The following TMEM71 variants were observed in gnomAD, a reference collection of about 807,000 sequenced individuals.
The protein encoded by TMEM71 is transmembrane protein 71.
A neutral mutation model predicts 38.0 loss-of-function variants in TMEM71; 44 were observed. The ratio of observed to expected loss-of-function variants is 1.16; its 90% CI spans 0.91 to 1.49. The LOEUF (loss-of-function observed/expected upper bound fraction) is 1.49, where lower values mean the gene tolerates loss of function less well. Among genes scored for constraint, TMEM71 ranks in the 40% most tolerant of loss-of-function variants. The probability of loss-of-function intolerance (pLI) is 0.00; values close to 1 mark genes in which losing one functional copy is unlikely to be tolerated. For synonymous variants in TMEM71, 133 were observed against 122.5 expected, an observed-to-expected ratio of 1.09 and a Z score of -0.56; for missense variants, 367 against 348.6, an observed-to-expected ratio of 1.05 and a Z score of -0.42.
At chr8:132,729,774 A>C (rs1827349219) in intron 5 of TMEM71, among the ~76,000 whole-genome samples, 1 of 152,172 alleles carries the variant, frequency 6.6e-6, no homozygotes, top group Admixed American at 6.5e-5. Flanking sequence ...AGAGAGGCAG[A>C]AAATTAAAAC....
chr8:132,726,478 T>C (rs1032918610), intron 6 of TMEM71, among the ~76,000 whole-genome samples: 1 of 152,218 alleles, frequency 6.6e-6, no homozygotes, highest in African/African-American at 2.4e-5. Flanking sequence ...AGACATGACA[T>C]AGTATGCTAA....
the TMEM71 span, among the ~76,000 whole-genome samples, chr8:132,773,200 C>A: frequency 6.6e-6 from 1 of 152,120 alleles, no homozygotes; most frequent in Non-Finnish European, 1.5e-5. Context: ...TGGTCCCTTC[C>A]CACTAAATAG....
upstream of TMEM71, chr8:132,760,754 A>T (rs1829276436): frequency 1.3e-5 from 2 of 152,254 alleles, no homozygotes; most frequent in African/African-American, 4.8e-5. Context: ...CTGGGCCAGC[A>T]GCAGGGAATG....
intron 5 of TMEM71, among the ~76,000 whole-genome samples, chr8:132,741,928 T>A (rs1300191464): frequency 6.6e-6 from 1 of 152,222 alleles, no homozygotes; most frequent in African/African-American, 2.4e-5. Context: ...TCCTTGACAC[T>A]TTTTGCTACC....
chr8:132,757,952 A>G (rs1352543214), intron 2 of TMEM71: 2 of 152,174 alleles, frequency 1.3e-5, no homozygotes, highest in East Asian at 3.8e-4. Flanking sequence ...ACCCAAATCA[A>G]TTACCCAATG....
chr8:132,744,400 T>C (rs928254931), intron 5 of TMEM71, among the ~76,000 whole-genome samples: 3 of 152,096 alleles, frequency 2.0e-5, no homozygotes, highest in Admixed American at 6.5e-5. Context: ...ACATTCAAGC[T>C]GAGAGCCAAG....
chr8:132,753,313 T>C (rs1828827027), intron 3 of TMEM71, among the ~76,000 whole-genome samples: 1 of 150,912 alleles, frequency 6.6e-6, no homozygotes, highest in Non-Finnish European at 1.5e-5. Context: ...ATTCTTGGGG[T>C]GGTTTTTTGT....
intron 7 of TMEM71, among the ~76,000 whole-genome samples, chr8:132,715,305 A>T (rs1826454022): frequency 6.7e-6 from 1 of 148,794 alleles, no homozygotes; most frequent in Non-Finnish European, 1.5e-5. Flanking sequence ...AGCTACTTGG[A>T]AGGCTGAGGC....
At chr8:132,744,788 G>C (rs750895598) in intron 5 of TMEM71, among the ~76,000 whole-genome samples, 1 of 152,112 alleles carries the variant, frequency 6.6e-6, no homozygotes, top group African/African-American at 2.4e-5. Context: ...TATACCATAA[G>C]GCAATAGTAA....
chr8:132,721,053 AT>A (rs1293806198), intron 7 of TMEM71, among the ~76,000 whole-genome samples: 2 of 152,170 alleles, frequency 1.3e-5, no homozygotes, highest in Non-Finnish European at 2.9e-5. Flanking sequence ...TTTATAAAGG[AT>A]TTTCAGGGAA....
rs1163871664 is a variant in TMEM71, at chr8:132,751,847, T to C, written c.252A>G (p.Lys84=). The change falls in exon 4 of 10, where the codon AAA becomes AAG. Residue 84 remains lysine (K), a synonymous_variant. Coordinates refer to ENST00000677595, the MANE Select transcript of TMEM71 (RefSeq NM_001382403.1). Reference sequence around the variant, plus strand: ...ATGGGTTCAGAGTTATGTTGCCATCTTTGTCGCACAGGAAGCTGTCTTCAG... The same window carrying C: ...ATGGGTTCAGAGTTATGTTGCCATCCTTGTCGCACAGGAAGCTGTCTTCAG... ...IWTEDSFLCD[K]DGNITLNPSQ... 1.9e-6 allele frequency: 3 copies of C among 1,613,918 alleles called. No homozygotes were observed. Among genetic ancestry groups the C allele is most frequent in the Non-Finnish European group, 2.5e-6 (3 of 1,180,052 alleles).
chr8:132,716,704 G>C (rs1563742453), intron 7 of TMEM71, among the ~76,000 whole-genome samples: 1 of 152,142 alleles, frequency 6.6e-6, no homozygotes. Flanking sequence ...TCGGTATTGA[G>C]GGACAACTGT....
intron 5 of TMEM71, among the ~76,000 whole-genome samples, chr8:132,744,334 A>G (rs1221266969): frequency 6.6e-6 from 1 of 152,212 alleles, no homozygotes. Flanking sequence ...TTTGAGAATC[A>G]ACGTACAGAA....
At position 132,739,254 on chromosome 8, in the gene TMEM71, C is replaced by T. The variant is rs548609956; in HGVS notation, c.487+7688G>A. On this transcript the variant is annotated intron_variant, in intron 5 of 9. Transcript: ENST00000677595. Reference sequence around the variant, plus strand: ...AACAAAGCCCTTCCGGGCAGCAGAGCAGAGTCTGGACTTTTAAATCAGATA... The same window carrying T: ...AACAAAGCCCTTCCGGGCAGCAGAGTAGAGTCTGGACTTTTAAATCAGATA... Among the ~76,000 whole-genome samples the T allele has an allele frequency of 3.3e-5, 5 of 152,314 alleles. No homozygotes were observed. The South Asian group carries it at 1.0e-3, about 32-fold the overall frequency.
chr8:132,743,432 T>C (rs1444170639), intron 5 of TMEM71, among the ~76,000 whole-genome samples: 1 of 152,178 alleles, frequency 6.6e-6, no homozygotes, highest in African/African-American at 2.4e-5. Context: ...TAGCATGATT[T>C]GCCATTGCTG....
At chr8:132,747,584 C>T (rs2131160287) in intron 4 of TMEM71, among the ~76,000 whole-genome samples, 1 of 152,292 alleles carries the variant, frequency 6.6e-6, no homozygotes, top group Admixed American at 6.5e-5. Flanking sequence ...AGAGAGTCTG[C>T]CTCCACGGTC....
chr8:132,713,158 C>T (rs553853552), intron 9 of TMEM71, among the ~76,000 whole-genome samples: 2 of 130,308 alleles, frequency 1.5e-5, no homozygotes, highest in South Asian at 4.2e-4. Flanking sequence ...TCATTAATTT[C>T]AAGGGCTAAA....
intron 7 of TMEM71, among the ~76,000 whole-genome samples, chr8:132,718,507 C>G (rs969673131): frequency 6.6e-6 from 1 of 151,278 alleles, no homozygotes; most frequent in African/African-American, 2.4e-5. Flanking sequence ...ACACCATTCT[C>G]CTGCCTCAGC....
chr8:132,708,042 T>C (rs1826120366), downstream of TMEM71, among the ~76,000 whole-genome samples: 1 of 152,198 alleles, frequency 6.6e-6, no homozygotes, highest in Non-Finnish European at 1.5e-5. Context: ...TGAAATCATA[T>C]TATGATGATG....
Sources: gnomAD v4.1 joint callset for allele counts (sites outside exome capture counted in the v4.1 genomes callset) on GRCh38, gnomAD v4.1.1 for gene constraint, MANE v1.5 for transcripts, NCBI Gene and HGNC (gene_info 2026-07-23, HGNC 2026-07-21) for gene names.